Variants in GPHN observed in about 807,000 individuals in gnomAD.
GPHN encodes the protein gephyrin.
GPHN carries 17 observed loss-of-function variants against 95.5 expected under a neutral mutation model. The observed-to-expected ratio is 0.18, with a 90% CI of 0.12 to 0.27. The LOEUF (loss-of-function observed/expected upper bound fraction) is 0.27, where lower values mean the gene tolerates loss of function less well. GPHN is among the 10% of genes least tolerant of loss of function. GPHN has a pLI of 1.00. For synonymous variants in GPHN, 320 were observed against 322.5 expected (o/e 0.99, Z 0.08); for missense variants, 660 against 978.1 (o/e 0.67, Z 4.34).
intron 3 of GPHN, among the ~76,000 whole-genome samples, chr14:66,793,456 A>C (rs939608490): frequency 2.0e-5 from 3 of 152,228 alleles, no homozygotes; most frequent in Non-Finnish European, 4.4e-5. Context: ...GGTTAATATA[A>C]TAAGCCATAT....
the GPHN span, among the ~76,000 whole-genome samples, chr14:67,534,572 C>G: frequency 6.6e-6 from 1 of 152,060 alleles, no homozygotes; most frequent in Admixed American, 6.6e-5. Context: ...AACTGAAACC[C>G]AAGCCTCCTA....
the GPHN span, chr14:67,729,343 G>T: frequency 6.3e-7 from 1 of 1,598,758 alleles, no homozygotes. Flanking sequence ...CTGCGCCCTG[G>T]CTGAGGGCCT....
intron 1 of GPHN, among the ~76,000 whole-genome samples, chr14:66,676,458 T>C (rs144901992): frequency 6.6e-6 from 1 of 152,228 alleles, no homozygotes; most frequent in Non-Finnish European, 1.5e-5. Flanking sequence ...ATTTGGACTT[T>C]ATTGTGTTTA....
intron 8 of GPHN, among the ~76,000 whole-genome samples, chr14:66,931,801 A>G (rs1043640949): frequency 3.3e-5 from 5 of 152,206 alleles, no homozygotes; most frequent in Non-Finnish European, 7.3e-5. Flanking sequence ...CTTCCTCAAA[A>G]CAACTATTTC....
intron 1 of GPHN, among the ~76,000 whole-genome samples, chr14:66,586,642 T>C (rs2061432141): frequency 6.6e-6 from 1 of 152,204 alleles, no homozygotes; most frequent in African/African-American, 2.4e-5. Flanking sequence ...CTCCTTCACT[T>C]ATGAAGCTTA....
chr14:66,654,959 A>C (rs909156259), intron 1 of GPHN, among the ~76,000 whole-genome samples: 1 of 152,110 alleles, frequency 6.6e-6, no homozygotes, highest in African/African-American at 2.4e-5. Context: ...TGGTTTCTCT[A>C]TTCTGTTTCA....
At chr14:66,901,504 T>C (rs966543493) in intron 5 of GPHN, among the ~76,000 whole-genome samples, 1 of 152,090 alleles carries the variant, frequency 6.6e-6, no homozygotes, top group Admixed American at 6.6e-5. Context: ...AGTAGTTTCA[T>C]GTTTCAGGTC....
the GPHN span, among the ~76,000 whole-genome samples, chr14:67,252,034 A>G: frequency 1.1e-3 from 173 of 152,286 alleles, 1 homozygote; most frequent in African/African-American, 4.0e-3. Context: ...TGACTGGAGA[A>G]GGCATGGAAG....
chr14:67,277,061 A>G, the GPHN span, among the ~76,000 whole-genome samples: 2 of 152,252 alleles, frequency 1.3e-5, no homozygotes, highest in Non-Finnish European at 2.9e-5. Flanking sequence ...AAAACTAAGC[A>G]TAGCACTGTA....
chr14:67,414,219 C>T, the GPHN span, among the ~76,000 whole-genome samples: 2 of 152,102 alleles, frequency 1.3e-5, no homozygotes, highest in Admixed American at 6.5e-5. Context: ...AGATGGATAC[C>T]TTCTCCTGGC....
the GPHN span, chr14:67,383,249 AG>A: frequency 2.0e-6 from 3 of 1,533,340 alleles, no homozygotes; most frequent in African/African-American, 4.2e-5. Context: ...AGGCAGTAAT[AG>A]TATTGAAATT....
chr14:67,158,668 TTC>T (rs2153716703), intron 18 of GPHN, among the ~76,000 whole-genome samples: 1 of 152,340 alleles, frequency 6.6e-6, no homozygotes, highest in South Asian at 2.1e-4. Flanking sequence ...TGCAATTTTT[TTC>T]TTTCTGTCTA....
chr14:67,457,465 T>A, the GPHN span, among the ~76,000 whole-genome samples: 1 of 152,138 alleles, frequency 6.6e-6, no homozygotes, highest in Non-Finnish European at 1.5e-5. Flanking sequence ...TTTAGCCATG[T>A]GTGGTGGCAT....
chr14:67,059,267 C>T lies in GPHN; in HGVS notation c.1144+481C>T, dbSNP rs185484010. Among the ~76,000 whole-genome samples, 29 of 152,106 alleles carry T rather than the reference C, an allele frequency of 1.9e-4. No homozygotes were observed. The Middle Eastern group carries it at 0.017, about 89-fold the overall frequency. Reference sequence around the variant, plus strand: ...AATTTATCCATGGATACTAAGACAACGGAAAGGTAGCATTCCCCAGTATTT... The same window carrying T: ...AATTTATCCATGGATACTAAGACAATGGAAAGGTAGCATTCCCCAGTATTT... On this transcript the variant is annotated intron_variant, in intron 11 of 22. Transcript: ENST00000478722.
At chr14:67,587,151 C>G in the GPHN span, 18 of 1,613,842 alleles carry the variant, frequency 1.1e-5, no homozygotes, top group South Asian at 2.0e-4. Flanking sequence ...CCAACCCACC[C>G]GGAGCCTGCC....
the GPHN span, among the ~76,000 whole-genome samples, chr14:67,397,054 T>A: frequency 2.9e-5 from 3 of 104,538 alleles, no homozygotes; most frequent in African/African-American, 2.0e-4. Flanking sequence ...TTCTCCTGCC[T>A]CAGCCTCCCA....
chr14:67,289,452 T>C, the GPHN span, among the ~76,000 whole-genome samples: 1 of 152,148 alleles, frequency 6.6e-6, no homozygotes, highest in African/African-American at 2.4e-5. Flanking sequence ...TATAAGGGAC[T>C]TGAGCATCTG....
At chr14:67,718,788 T>G in the GPHN span, among the ~76,000 whole-genome samples, 3,534 of 152,224 alleles carry the variant, frequency 0.023, 150 homozygotes, top group African/African-American at 0.081. Flanking sequence ...AATGATGAAG[T>G]GGGTGATGAT....
At chr14:67,419,286 T>C in the GPHN span, among the ~76,000 whole-genome samples, 62 of 151,852 alleles carry the variant, frequency 4.1e-4, no homozygotes, top group Admixed American at 1.0e-3. Context: ...AGGAAGGGAG[T>C]AGCCATGGTG....
Sources: gnomAD v4.1 joint callset for allele counts (sites outside exome capture counted in the v4.1 genomes callset) on GRCh38, gnomAD v4.1.1 for gene constraint, MANE v1.5 for transcripts, NCBI Gene and HGNC (gene_info 2026-07-23, HGNC 2026-07-21) for gene names.